CD163L1: variants seen among roughly 807,000 people sequenced by gnomAD.
CD163L1 encodes CD163 molecule like 1.
CD163L1 carries 124 observed loss-of-function variants against 165.4 expected under a neutral mutation model. The ratio of observed to expected loss-of-function variants is 0.75; its 90% CI spans 0.65 to 0.87. The LOEUF is 0.87. Among genes scored for constraint, CD163L1 ranks in the 40% least tolerant of loss-of-function variants. CD163L1 has a pLI of 0.00. For missense variants in CD163L1, 1,525 were observed against 1,799.9 expected (o/e 0.85, Z 2.76); for synonymous variants, 585 against 662.2 (o/e 0.88, Z 1.79).
intron 4 of CD163L1, among the ~76,000 whole-genome samples, chr12:7,430,662 A>G (rs1453729046): frequency 6.6e-6 from 1 of 152,186 alleles, no homozygotes; most frequent in Non-Finnish European, 1.5e-5. Context: ...ATGAAGAATG[A>G]GGACAGAGTG....
chr12:7,421,594 CATATAT>C (rs1565810696), intron 4 of CD163L1, among the ~76,000 whole-genome samples: 3 of 12,884 alleles, frequency 2.3e-4, no homozygotes, highest in African/African-American at 4.2e-4. Context: ...TATACATATA[CATATAT>C]GTACACATAT....
At chr12:7,384,790 C>T (rs1308875540) in intron 8 of CD163L1, among the ~76,000 whole-genome samples, 1 of 151,800 alleles carries the variant, frequency 6.6e-6, no homozygotes, top group Non-Finnish European at 1.5e-5. Flanking sequence ...ACAAGAAACA[C>T]TTAAGGAAAT....
At position 7,432,783 on chromosome 12, in the gene CD163L1, G is replaced by A; in HGVS notation, c.446-47C>T. The A allele has an allele frequency of 6.8e-7, 1 of 1,481,114 alleles. No individual in the cohort carries two copies. The highest frequency in any genetic ancestry group is 9.1e-7 in the Non-Finnish European group (1 of 1,096,472). 91.7% of individuals were successfully genotyped at this position (1,481,114 alleles called of 1,614,324 possible). A position where few individuals can be genotyped will look rare whatever the true frequency, so the allele number is the denominator to read the frequency against. On this transcript the variant is annotated intron_variant, in intron 3 of 19. Coordinates refer to ENST00000313599, the MANE Select transcript of CD163L1 (RefSeq NM_174941.6). This position sits in a 1 kb window ranked among gnomAD's most constrained non-coding sequence, Gnocchi z 4.2. ...ATATGAAAAACTGATTCAACTTTGAGCCTGAAATAAAATCAAAAGGATACG... is the reference window on the plus strand; with the variant it reads ...ATATGAAAAACTGATTCAACTTTGAACCTGAAATAAAATCAAAAGGATACG...
chr12:7,354,231 A>G (rs752324714), downstream of CD163L1, among the ~76,000 whole-genome samples: 33 of 152,208 alleles, frequency 2.2e-4, no homozygotes, highest in Admixed American at 1.5e-3. Context: ...CATCTCTTGT[A>G]ACAGCTCCAT....
the CD163L1 span, among the ~76,000 whole-genome samples, chr12:7,327,856 C>G: frequency 1.3e-5 from 2 of 152,060 alleles, no homozygotes. Context: ...TTTTTGTGGT[C>G]AAGTCAGGGC....
At chr12:7,338,910 T>G in the CD163L1 span, among the ~76,000 whole-genome samples, 5 of 152,282 alleles carry the variant, frequency 3.3e-5, no homozygotes, top group Non-Finnish European at 7.4e-5. Flanking sequence ...TATTCCCAAA[T>G]GGTGTTCCTT....
chr12:7,323,660 C>CTA, the CD163L1 span: 1 of 1,005,110 alleles, frequency 9.9e-7, no homozygotes, highest in South Asian at 1.4e-5. Flanking sequence ...GCAACAAAAT[C>CTA]TTTCACAACT....
At chr12:7,402,013 T>C (rs918116632) in intron 6 of CD163L1, among the ~76,000 whole-genome samples, 6 of 151,966 alleles carry the variant, frequency 3.9e-5, no homozygotes, top group South Asian at 4.1e-4. Flanking sequence ...ACAGAATACA[T>C]AGATAAATAG....
At position 7,432,629 on chromosome 12, in the gene CD163L1, T is replaced by C. The variant is rs1337749816; in HGVS notation, c.553A>G (p.Asn185Asp). The C allele has an allele frequency of 1.2e-6, 2 of 1,614,168 alleles. No homozygotes were observed. Among genetic ancestry groups the C allele is most frequent in the African/African-American group, 1.3e-5 (1 of 75,032 alleles). The change falls in exon 4 of 20, where the codon AAC (asparagine) becomes GAC (aspartate). Residue 185 changes from asparagine to aspartate, a missense_variant. Physicochemically the swap from Asn to Asp is conservative, Grantham distance 23 (BLOSUM62 1). Coordinates refer to ENST00000313599, the MANE Select transcript of CD163L1 (RefSeq NM_174941.6). This position sits in a 1 kb window ranked among gnomAD's most constrained non-coding sequence, Gnocchi z 4.2. Reference protein sequence around the residue: ...RWGTICDDGWNLNTAAVVCRQ... With the variant: ...RWGTICDDGWDLNTAAVVCRQ... ...CACACCACGGCAGCAGTATTCAAGT[T>C]CCACCCATCATCACATATAGTTCCC...
At chr12:7,412,833 A>G (rs922861409) in intron 4 of CD163L1, among the ~76,000 whole-genome samples, 10 of 152,118 alleles carry the variant, frequency 6.6e-5, no homozygotes, top group Non-Finnish European at 1.5e-4. Flanking sequence ...GCAGTGGCTC[A>G]CACCTGTAAT....
rs150948631 is a variant in CD163L1 at position 7,361,910 on chromosome 12, C to T, written c.4280-4424G>A. Among the ~76,000 whole-genome samples, 1,091 of 151,878 alleles carry T rather than the reference C, an allele frequency of 7.2e-3. 16 individuals carry two copies. The highest frequency in any genetic ancestry group is 0.025 in the African/African-American group (1,046 of 41,450). The stretch of plus-strand genomic sequence containing the variant: ...TCTATACTAATTAAAGAATAACTCC[C>T]CATTCTCCCTCCTCCAGCCCCTGGA... On this transcript the variant is annotated intron_variant, in intron 18 of 19. Coordinates refer to ENST00000313599, the MANE Select transcript of CD163L1 (RefSeq NM_174941.6).
intron 19 of CD163L1, among the ~76,000 whole-genome samples, chr12:7,356,605 C>T (rs1050354367): frequency 1.3e-5 from 2 of 152,088 alleles, no homozygotes; most frequent in African/African-American, 4.8e-5. Context: ...ATTGCTAGCT[C>T]ATTCATGCTA....
At chr12:7,323,968 A>G in the CD163L1 span, among the ~76,000 whole-genome samples, 1 of 152,072 alleles carries the variant, frequency 6.6e-6, no homozygotes, top group Non-Finnish European at 1.5e-5. Context: ...CTTGAGCCCA[A>G]GAGTTCAAGA....
Position 7,369,677 on chromosome 12 carries a change from C to T in CD163L1, c.3731-12G>A. ...CACTCTTATTCTATCTACAAAGGCA[C>T]AAAACATGGCTGTCTTTACTCCTGA... On this transcript the variant is annotated splice_polypyrimidine_tract_variant and intron_variant, in intron 14 of 19. Transcript: ENST00000313599. This position sits in a 1 kb window ranked among gnomAD's most constrained non-coding sequence, Gnocchi z 4.9. 6.2e-7 allele frequency: 1 copy of T among 1,601,284 alleles called. No individual in the cohort carries two copies. The highest frequency in any genetic ancestry group is 8.5e-7 in the Non-Finnish European group (1 of 1,170,496).
chr12:7,386,886 T>C (rs910313349), intron 8 of CD163L1, among the ~76,000 whole-genome samples: 3 of 151,988 alleles, frequency 2.0e-5, no homozygotes, highest in Admixed American at 6.6e-5. Context: ...TGGGGAAAAG[T>C]TTAAAGTCTT....
At chr12:7,431,193 C>T (rs923486728) in intron 4 of CD163L1, among the ~76,000 whole-genome samples, 22 of 152,018 alleles carry the variant, frequency 1.4e-4, no homozygotes, top group Non-Finnish European at 2.9e-4. Flanking sequence ...GAGGCTGAGG[C>T]GGGCAGATCA....
At chr12:7,350,488 A>C (rs192440675), downstream of CD163L1, among the ~76,000 whole-genome samples, 1 of 152,140 alleles carries the variant, frequency 6.6e-6, no homozygotes, top group African/African-American at 2.4e-5. Flanking sequence ...ATATTCATCT[A>C]TCCATCCATT....
At chr12:7,335,829 C>T in the CD163L1 span, among the ~76,000 whole-genome samples, 2 of 152,286 alleles carry the variant, frequency 1.3e-5, no homozygotes, top group South Asian at 2.1e-4. Flanking sequence ...CAAACAACCC[C>T]ATCAAAAAGT....
At chr12:7,441,054 C>T (rs1229419419) in intron 2 of CD163L1, 100 bp downstream of exon 2, 4 of 784,484 alleles carry the variant, frequency 5.1e-6, no homozygotes, top group African/African-American at 1.7e-5. Context: ...ATTATTTTTA[C>T]ATGTTCTATT....
Sources: gnomAD v4.1 joint callset for allele counts (sites outside exome capture counted in the v4.1 genomes callset) on GRCh38, gnomAD v4.1.1 for gene constraint, Gnocchi (gnomAD v3.1) non-coding constraint, MANE v1.5 for transcripts, NCBI Gene and HGNC (gene_info 2026-07-23, HGNC 2026-07-21) for gene names.